FBXO30: variants seen among roughly 807,000 people sequenced by gnomAD.
FBXO30 encodes F-box only protein 30.
FBXO30 carries 21 observed loss-of-function variants against 58.1 expected under a neutral mutation model. The ratio of observed to expected loss-of-function variants is 0.36; its 90% confidence interval spans 0.26 to 0.52. The LOEUF is 0.52. Ranked by LOEUF, FBXO30 falls within the 20% of genes least tolerant of loss-of-function variation. FBXO30 has a pLI of 0.93. For missense variants in FBXO30, 744 were observed against 897.3 expected (o/e 0.83, Z 2.18); for synonymous variants, 309 against 312.4 (o/e 0.99, Z 0.11).
rs1451672104 is a variant in FBXO30, at chr6:145,794,350, C to T, written c.*5756G>A. 4.6e-5 allele frequency: 7 copies of T among 151,860 alleles called. No individual in the cohort carries two copies. Among genetic ancestry groups the T allele is most frequent in the African/African-American group, 7.2e-5 (3 of 41,380 alleles). 9.4% of individuals were successfully genotyped at this position (151,860 alleles called of 1,614,324 possible). On this transcript the variant is annotated 3_prime_UTR_variant, in exon 3 of 3. Coordinates refer to ENST00000237281, the MANE Select transcript of FBXO30 (RefSeq NM_032145.5). ...ATGACATCTTAGGTAAGCCAATCGG[C>T]GCAATGACCTTTCAGAATGCAGTTA... is the stretch of plus-strand genomic sequence containing the variant.
In FBXO30 at chr6:145,793,866, A is replaced by G. The variant is rs1777819282; in HGVS notation, c.*6240T>C. 6.6e-6 allele frequency: 1 copy of G among 152,104 alleles called. No homozygotes were observed. Among genetic ancestry groups the G allele is most frequent in the Non-Finnish European group, 1.5e-5 (1 of 67,926 alleles). 9.4% of individuals were successfully genotyped at this position (152,104 alleles called of 1,614,324 possible). A position where few individuals can be genotyped will look rare whatever the true frequency, so the allele number is the denominator to read the frequency against. On this transcript the variant is annotated 3_prime_UTR_variant, in exon 3 of 3. Transcript: ENST00000237281. ...AGCTGAATAGATTTGTCATGTTACT[A>G]ATGCTATAAATTAATTCTAAACCAC...
At chr6:145,800,672 AATTGGCTATCTAGAACTAATTAC>A (rs1315979587) in intron 2 of FBXO30, among the ~76,000 whole-genome samples, 1 of 152,068 alleles carries the variant, frequency 6.6e-6, no homozygotes, top group African/African-American at 2.4e-5. Flanking sequence ...CATACTCTCC[AATTGGCTATCTAGAACTAATTAC>A]ACTCTGGAGA....
intron 2 of FBXO30, among the ~76,000 whole-genome samples, chr6:145,802,342 C>G (rs774312607): frequency 2.0e-5 from 3 of 152,110 alleles, no homozygotes; most frequent in Non-Finnish European, 4.4e-5. Flanking sequence ...TAATTAACCT[C>G]TGTTTCTTTG....
In FBXO30 at chr6:145,797,700, G is replaced by C. The variant is rs763441751; in HGVS notation, c.*2406C>G. 2 of 151,990 alleles carry C rather than the reference G, an allele frequency of 1.3e-5. No homozygotes were observed. The highest frequency in any genetic ancestry group is 2.9e-5 in the Non-Finnish European group (2 of 67,948). The allele number at this position is 151,990 out of a possible 1,614,324, so 9.4% of individuals were successfully genotyped here. Reference sequence around the variant, plus strand: ...GAGAGAGGGAGAAGGGAAAGGGAGAGGGAGAAAGATTAAGCTAACAGGCAG... The same window carrying C: ...GAGAGAGGGAGAAGGGAAAGGGAGACGGAGAAAGATTAAGCTAACAGGCAG... On this transcript the variant is annotated 3_prime_UTR_variant, in exon 3 of 3. Coordinates refer to ENST00000237281, the MANE Select transcript of FBXO30 (RefSeq NM_032145.5).
intron 1 of FBXO30, among the ~76,000 whole-genome samples, 194 bp downstream of exon 1, chr6:145,814,409 G>A (rs1014864835): frequency 7.2e-5 from 11 of 152,052 alleles, no homozygotes; most frequent in African/African-American, 2.7e-4. Context: ...CAGGGCGCCC[G>A]GACGGCCGAC....
chr6:145,802,041 G>C (rs6900565), intron 2 of FBXO30, among the ~76,000 whole-genome samples: 11,624 of 152,134 alleles, frequency 0.076, 1,510 homozygotes, highest in African/African-American at 0.26. Context: ...CTACATAGTA[G>C]GTACTATGCA....
At chr6:145,801,317 G>T (rs1465042800) in intron 2 of FBXO30, among the ~76,000 whole-genome samples, 2 of 152,222 alleles carry the variant, frequency 1.3e-5, no homozygotes, top group East Asian at 3.9e-4. Context: ...CCCGTAGGCA[G>T]CATGTGGCCC....
At position 145,797,283 on chromosome 6, in the gene FBXO30, T is replaced by G. The variant is rs538298069; in HGVS notation, c.*2823A>C. On this transcript the variant is annotated 3_prime_UTR_variant, in exon 3 of 3. Coordinates refer to ENST00000237281, the MANE Select transcript of FBXO30 (RefSeq NM_032145.5). ...CCAACAACTACAGTACCCAGTGTAT[T>G]TTGTCATATGGCTGTAAAATTGAGA... is the stretch of plus-strand genomic sequence containing the variant. 2.0e-4 allele frequency: 30 copies of G among 152,134 alleles called. No individual in the cohort carries two copies. The highest frequency in any genetic ancestry group is 4.1e-4 in the Non-Finnish European group (28 of 67,938). The allele number at this position is 152,134 out of a possible 1,614,324, so 9.4% of individuals were successfully genotyped here. A position where few individuals can be genotyped will look rare whatever the true frequency, so the allele number is the denominator to read the frequency against.
In FBXO30 at chr6:145,814,698, C is replaced by A. The variant is rs897667668; in HGVS notation, c.-112G>T. 6.5e-6 allele frequency: 1 copy of A among 153,376 alleles called. No individual in the cohort carries two copies. Among genetic ancestry groups the A allele is most frequent in the Non-Finnish European group, 1.4e-5 (1 of 69,196 alleles). 9.5% of individuals were successfully genotyped at this position (153,376 alleles called of 1,614,324 possible). On this transcript the variant is annotated 5_prime_UTR_variant, in exon 1 of 3. Transcript: ENST00000237281. Reference sequence around the variant, plus strand: ...TCCCGGCGACGCTCCGTACCCCACACAGCCGTCCGAACCGCCTCCTCCGCC... The same window carrying A: ...TCCCGGCGACGCTCCGTACCCCACAAAGCCGTCCGAACCGCCTCCTCCGCC...
chr6:145,806,637 A>G (rs1479828499), intron 1 of FBXO30, among the ~76,000 whole-genome samples: 4 of 152,208 alleles, frequency 2.6e-5, no homozygotes, highest in Non-Finnish European at 5.9e-5. Flanking sequence ...ATACTGTAGA[A>G]TGTCATAACG....
Position 145,805,067 on chromosome 6 carries a change from G to A in FBXO30, c.1339C>T (p.Arg447Cys), listed in dbSNP as rs755146602. ...TCAATGTGATAAATATCAGCCATGC[G>A]GCTATCAGATATACCCCTCCCTCCT... The part of the protein sequence containing the change: ...SPGGRGISDS[R>C]MADIYHIDVG... The change falls in exon 2 of 3, where the codon CGC becomes TGC. Residue 447 changes from arginine to cysteine, a missense_variant. Physicochemically the swap from Arg to Cys is radical, Grantham distance 180 (BLOSUM62 -3). Transcript: ENST00000237281. The A allele has an allele frequency of 1.5e-5, 25 of 1,613,890 alleles. No individual in the cohort carries two copies. The highest frequency in any genetic ancestry group is 2.2e-5 in the East Asian group (1 of 44,888).
Position 145,805,917 on chromosome 6 carries a change from T to G in FBXO30, c.489A>C (p.Pro163=), listed in dbSNP as rs760514362. 3.7e-6 allele frequency: 6 copies of G among 1,614,080 alleles called. No homozygotes were observed. Among genetic ancestry groups the G allele is most frequent in the South Asian group, 2.2e-5 (2 of 91,088 alleles). Residue 163 remains proline (P), a synonymous_variant, in exon 2 of 3, where the codon CCA becomes CCC. Transcript: ENST00000237281. ...REQISVKSSV[P]EIPHANGLVS... is the part of the protein sequence containing the mutation. ...CTAAACCATTAGCATGTGGTATTTC[T>G]GGGACACTTGATTTAACTGAGATTT...
In FBXO30 at chr6:145,799,991, A is replaced by T; in HGVS notation, c.*115T>A. On this transcript the variant is annotated 3_prime_UTR_variant, in exon 3 of 3. Transcript: ENST00000237281. ...TAGATGTCACTTCAAAACATTATAT[A>T]CACAGTGACAATAAATTTAGCTAGT... is the stretch of plus-strand genomic sequence containing the variant. The T allele has an allele frequency of 2.6e-6, 2 of 763,174 alleles. No homozygotes were observed. Among genetic ancestry groups the T allele is most frequent in the Admixed American group, 2.7e-5 (1 of 37,650 alleles). 47.3% of individuals were successfully genotyped at this position (763,174 alleles called of 1,614,324 possible).
chr6:145,796,807 T>A lies in FBXO30; in HGVS notation c.*3299A>T, dbSNP rs1018444931. 6.6e-6 allele frequency: 1 copy of A among 151,970 alleles called. No individual in the cohort carries two copies. Among genetic ancestry groups the A allele is most frequent in the Non-Finnish European group, 1.5e-5 (1 of 67,926 alleles). 9.4% of individuals were successfully genotyped at this position (151,970 alleles called of 1,614,324 possible). On this transcript the variant is annotated 3_prime_UTR_variant, in exon 3 of 3. Coordinates refer to ENST00000237281, the MANE Select transcript of FBXO30 (RefSeq NM_032145.5). ...ATCGATATAGTAATATAAACTACCATATCTTCAAGGGATATGGAAGTTTTG... is the reference window on the plus strand; with the variant it reads ...ATCGATATAGTAATATAAACTACCAAATCTTCAAGGGATATGGAAGTTTTG...
In FBXO30 at chr6:145,799,485, CTG is replaced by C. The variant is rs1246712257; in HGVS notation, c.*619_*620del. ...AAAAAGAAAGCTGCACATGGTCACT[CTG>C]TGTGTTGAGTTGTAAGTATGTGAGA... On this transcript the variant is annotated 3_prime_UTR_variant, in exon 3 of 3. Transcript: ENST00000237281. 2.0e-5 allele frequency: 3 copies of C among 152,350 alleles called. No homozygotes were observed. The highest frequency in any genetic ancestry group is 4.8e-5 in the African/African-American group (2 of 41,416). 9.4% of individuals were successfully genotyped at this position (152,350 alleles called of 1,614,324 possible).
rs772832677 is a variant in FBXO30 at position 145,800,101 on chromosome 6, A to C, written c.*5T>G. On this transcript the variant is annotated 3_prime_UTR_variant, in exon 3 of 3. Coordinates refer to ENST00000237281, the MANE Select transcript of FBXO30 (RefSeq NM_032145.5). ...TGCATATATGTGCTAGTAATATTACAACTTTTAAAGTACAGGTTTTAAAAC... is the reference window on the plus strand; with the variant it reads ...TGCATATATGTGCTAGTAATATTACCACTTTTAAAGTACAGGTTTTAAAAC... The C allele has an allele frequency of 1.2e-6, 2 of 1,608,444 alleles. No individual in the cohort carries two copies. Among genetic ancestry groups the C allele is most frequent in the East Asian group, 4.5e-5 (2 of 44,800 alleles).
chr6:145,809,379 T>TA (rs1435950149), intron 1 of FBXO30, among the ~76,000 whole-genome samples: 1 of 152,164 alleles, frequency 6.6e-6, no homozygotes, highest in African/African-American at 2.4e-5. Context: ...GGGAGAAACC[T>TA]AAAAATACAA....
At chr6:145,810,494 A>G (rs1010928056) in intron 1 of FBXO30, among the ~76,000 whole-genome samples, 2 of 152,196 alleles carry the variant, frequency 1.3e-5, no homozygotes, top group African/African-American at 2.4e-5. Flanking sequence ...CATCTCTAAT[A>G]ATTTATATTT....
chr6:145,805,283 C>G lies in FBXO30; in HGVS notation c.1123G>C (p.Val375Leu), dbSNP rs9373475. 4 of 1,613,772 alleles carry G rather than the reference C, an allele frequency of 2.5e-6. No individual in the cohort carries two copies. The highest frequency in any genetic ancestry group is 2.2e-5 in the South Asian group (2 of 91,082). Residue 375 changes from valine to leucine, a missense_variant, in exon 2 of 3, where the codon GTG becomes CTG. Physicochemically the swap from Val to Leu is conservative, Grantham distance 32. This residue lies in a region of FBXO30 where 275 missense variants were observed against 262.0 expected (regional missense o/e 1.05). Transcript: ENST00000237281. ...AAAGATAAGACATCCACATTCTTCA[C>G]GTCCCCTAAGTCTACTTTTTTCCAA... is the stretch of plus-strand genomic sequence containing the variant. Reference protein sequence around the residue: ...LCWKKVDLGDVKNVDVLSFSH... With the variant: ...LCWKKVDLGDLKNVDVLSFSH...
Sources: allele counts gnomAD v4.1 joint callset (sites outside exome capture counted in the v4.1 genomes callset), GRCh38; gene constraint gnomAD v4.1.1; regional missense constraint gnomAD v4.1.1; transcripts MANE v1.5; gene names NCBI Gene and HGNC (gene_info 2026-07-23, HGNC 2026-07-21).